Variants in TIGD4 observed in about 807,000 individuals in gnomAD.
TIGD4 encodes the protein tigger transposable element derived 4.
A neutral mutation model predicts 24.9 loss-of-function variants in TIGD4; 20 were observed. The ratio of observed to expected loss-of-function variants is 0.80; its 90% CI spans 0.56 to 1.17. The LOEUF (loss-of-function observed/expected upper bound fraction) is 1.17. Among genes scored for constraint, TIGD4 ranks in the 50% most tolerant of loss-of-function variants. The pLI is 0.00. For synonymous variants in TIGD4, 193 were observed against 211.0 expected (o/e 0.91, Z 0.74); for missense variants, 566 against 591.0 (o/e 0.96, Z 0.44).
intron 1 of TIGD4, among the ~76,000 whole-genome samples, chr4:152,778,614 G>A (rs1730309749): frequency 6.6e-6 from 1 of 152,090 alleles, no homozygotes; most frequent in Non-Finnish European, 1.5e-5. Context: ...TTTATGTTTT[G>A]GAATTTCAGT....
chr4:152,769,649 G>A lies in TIGD4; in HGVS notation c.1356C>T (p.Tyr452=). 20 of 1,613,350 alleles carry A rather than the reference G, an allele frequency of 1.2e-5. No homozygotes were observed. The highest frequency in any genetic ancestry group is 2.2e-5 in the East Asian group (1 of 44,878). ...CATCATCATCCTCTTCATCAGAAGT[G>A]TAAAATCCAGTTTCATCCGATTTAC... The part of the protein sequence containing the change: ...KESKSDETGF[Y]TSDEEDDDGS... Residue 452 remains tyrosine (Y), a synonymous_variant, in exon 2 of 2, where the codon TAC becomes TAT. Transcript: ENST00000304337.
rs1185283940 is a variant in TIGD4, at chr4:152,771,455, T to C, written c.-451A>G. Reference sequence around the variant, plus strand: ...AAGAAAAAACGTTCAAAAGTTTTCATGCAACTATTACCCATTAATTTTCAA... The same window carrying C: ...AAGAAAAAACGTTCAAAAGTTTTCACGCAACTATTACCCATTAATTTTCAA... On this transcript the variant is annotated 5_prime_UTR_variant, in exon 2 of 2. It removes an upstream start codon present in the reference 5' UTR. Coordinates refer to ENST00000304337, the MANE Select transcript of TIGD4 (RefSeq NM_145720.4). 1 of 166,972 alleles carries C rather than the reference T, an allele frequency of 6.0e-6. No homozygotes were observed. The highest frequency in any genetic ancestry group is 1.5e-5 in the Non-Finnish European group (1 of 68,388). 10.3% of individuals were successfully genotyped at this position (166,972 alleles called of 1,614,324 possible).
At position 152,771,068 on chromosome 4, in the gene TIGD4, A is replaced by G. The variant is rs886615644; in HGVS notation, c.-64T>C. 5 of 1,514,280 alleles carry G rather than the reference A, an allele frequency of 3.3e-6. No homozygotes were observed. The African/African-American group carries it at 5.6e-5, about 17-fold the overall frequency. The allele number at this position is 1,514,280 out of a possible 1,614,324, so 93.8% of individuals were successfully genotyped here. On this transcript the variant is annotated 5_prime_UTR_variant, in exon 2 of 2. Transcript: ENST00000304337. ...TCCTGGTGACTGTTTCTTTAATTAA[A>G]TTTGTTTTCCAGTATAATATAGATT...
chr4:152,770,528 CGAAG>C lies in TIGD4; in HGVS notation c.473_476del (p.Pro158ArgfsTer13), dbSNP rs773173604. 10 of 1,613,068 alleles carry C rather than the reference CGAAG, an allele frequency of 6.2e-6. No homozygotes were observed. The highest frequency in any genetic ancestry group is 1.7e-5 in the Admixed American group (1 of 59,852). On this transcript the variant is annotated frameshift_variant, in exon 2 of 2. Transcript: ENST00000304337. LOFTEE classifies it high-confidence loss of function. ...GAAGTACATTTTGGTACCAGACAGT[CGAAG>C]GGTCTACTGGTACACCTGTAGCTTC... is the stretch of plus-strand genomic sequence containing the variant.
intron 1 of TIGD4, among the ~76,000 whole-genome samples, chr4:152,776,959 A>T (rs1449752233): frequency 1.3e-5 from 2 of 152,242 alleles, no homozygotes; most frequent in African/African-American, 2.4e-5. Flanking sequence ...AAGGATGGAT[A>T]GGTACATCAC....
rs1177580729 is a variant in TIGD4 at position 152,779,583 on chromosome 4, G to A, written c.-640C>T. Reference sequence around the variant, plus strand: ...TCCACCCTCCCGGCACCAGCTCACGGTCTGTTGGGGGGGTCCTCCTAACGT... The same window carrying A: ...TCCACCCTCCCGGCACCAGCTCACGATCTGTTGGGGGGGTCCTCCTAACGT... On this transcript the variant is annotated 5_prime_UTR_variant, in exon 1 of 2. Coordinates refer to ENST00000304337, the MANE Select transcript of TIGD4 (RefSeq NM_145720.4). The A allele has an allele frequency of 6.6e-6, 1 of 152,256 alleles. No individual in the cohort carries two copies. Among genetic ancestry groups the A allele is most frequent in the East Asian group, 1.9e-4 (1 of 5,182 alleles). 9.4% of individuals were successfully genotyped at this position (152,256 alleles called of 1,614,324 possible). A position where few individuals can be genotyped will look rare whatever the true frequency, so the allele number is the denominator to read the frequency against.
chr4:152,778,013 T>G (rs1730288338), intron 1 of TIGD4, among the ~76,000 whole-genome samples: 1 of 151,916 alleles, frequency 6.6e-6, no homozygotes, highest in African/African-American at 2.4e-5. Context: ...GTACCAGAAT[T>G]CACTGAAGAG....
chr4:152,770,598 A>C lies in TIGD4; in HGVS notation c.407T>G (p.Phe136Cys). The C allele has an allele frequency of 6.2e-7, 1 of 1,608,130 alleles. No individual in the cohort carries two copies. Residue 136 changes from phenylalanine (F) to cysteine (C), a missense_variant, in exon 2 of 2, where the codon TTT becomes TGT. Physicochemically the swap from Phe to Cys is radical, Grantham distance 205 (BLOSUM62 -2). Transcript: ENST00000304337. The part of the protein sequence containing the change: ...FKCSNGWLDR[F>C]KSRYGLVFRA... Reference sequence around the variant, plus strand: ...GAATACTAAACCATACCTGGATTTAAAACGATCCAGCCAACCATTACTGCA... The same window carrying C: ...GAATACTAAACCATACCTGGATTTACAACGATCCAGCCAACCATTACTGCA...
In TIGD4 at chr4:152,770,603, A is replaced by G. The variant is rs1730152409; in HGVS notation, c.402T>C (p.Asp134=). The change falls in exon 2 of 2, where the codon GAT becomes GAC. Residue 134 remains aspartate, a synonymous_variant. Coordinates refer to ENST00000304337, the MANE Select transcript of TIGD4 (RefSeq NM_145720.4). ...NDFKCSNGWL[D]RFKSRYGLVF... ...CTAAACCATACCTGGATTTAAAACG[A>G]TCCAGCCAACCATTACTGCACTTAA... 14 of 1,606,580 alleles carry G rather than the reference A, an allele frequency of 8.7e-6. No individual in the cohort carries two copies. Among genetic ancestry groups the G allele is most frequent in the Non-Finnish European group, 1.2e-5 (14 of 1,176,864 alleles).
At position 152,769,569 on chromosome 4, in the gene TIGD4, A is replaced by AT. The variant is rs780609929; in HGVS notation, c.1435_1436insA (p.Leu479TyrfsTer15). On this transcript the variant is annotated frameshift_variant, in exon 2 of 2. Coordinates refer to ENST00000304337, the MANE Select transcript of TIGD4 (RefSeq NM_145720.4). LOFTEE classifies it high-confidence loss of function. ...TCTGAGAAATTTTTTCAGAGTATCT[A>AT]AAGCAGTTATTGCCTCAGATTTTGA... 2.2e-5 allele frequency: 35 copies of AT among 1,613,236 alleles called. No homozygotes were observed. Among genetic ancestry groups the AT allele is most frequent in the Non-Finnish European group, 3.0e-5 (35 of 1,179,672 alleles).
At position 152,769,769 on chromosome 4, in the gene TIGD4, A is replaced by G. The variant is rs1474579999; in HGVS notation, c.1236T>C (p.Pro412=). 4.3e-6 allele frequency: 7 copies of G among 1,613,560 alleles called. No individual in the cohort carries two copies. The highest frequency in any genetic ancestry group is 5.1e-6 in the Non-Finnish European group (6 of 1,179,950). Residue 412 remains proline (P), a synonymous_variant, in exon 2 of 2, where the codon CCT becomes CCC. Coordinates refer to ENST00000304337, the MANE Select transcript of TIGD4 (RefSeq NM_145720.4). ...ADALGAGVEF[P]EGLSIEEYAA... is the part of the protein sequence containing the mutation. The stretch of plus-strand genomic sequence containing the variant: ...CATATTCTTCTATAGATAAACCTTC[A>G]GGAAATTCTACTCCTGCCCCCAGAG...
intron 1 of TIGD4, among the ~76,000 whole-genome samples, chr4:152,777,273 C>T (rs1481372617): frequency 6.6e-6 from 1 of 152,130 alleles, no homozygotes; most frequent in Admixed American, 6.5e-5. Context: ...TAGAGTTCCC[C>T]ACAAGCCCAA....
At position 152,770,315 on chromosome 4, in the gene TIGD4, C is replaced by G; in HGVS notation, c.690G>C (p.Leu230Phe). 6.2e-7 allele frequency: 1 copy of G among 1,614,000 alleles called. No homozygotes were observed. The highest frequency in any genetic ancestry group is 8.5e-7 in the Non-Finnish European group (1 of 1,179,928). ...TNMDGSEKLPLLVIGKKRTPH... is the reference protein window; with the variant it reads ...TNMDGSEKLPFLVIGKKRTPH... ...GAGTTCTCTTTTTTCCAATGACAAG[C>G]AAAGGAAGTTTCTCTGAGCCATCCA... The change falls in exon 2 of 2, where the codon TTG (leucine) becomes TTC (phenylalanine). Residue 230 changes from leucine to phenylalanine, a missense_variant. Leu to Phe is a conservative substitution (Grantham distance 22). Transcript: ENST00000304337.
intron 1 of TIGD4, among the ~76,000 whole-genome samples, chr4:152,776,141 A>T (rs28695766): frequency 0.2 from 31,012 of 152,072 alleles, 3,355 homozygotes; most frequent in Admixed American, 0.27. Flanking sequence ...TACAACATAC[A>T]CTAAAAATTA....
At position 152,769,518 on chromosome 4, in the gene TIGD4, T is replaced by G. The variant is rs970886525; in HGVS notation, c.1487A>C (p.Gln496Pro). 1.3e-6 allele frequency: 2 copies of G among 1,587,960 alleles called. No individual in the cohort carries two copies. The highest frequency in any genetic ancestry group is 1.7e-6 in the Non-Finnish European group (2 of 1,169,548). The part of the protein sequence containing the change: ...LRSQDMNDGL[Q>P]NSLADLENFI... ...ATTTTCAAGGTCTGCTAAAGAATTT[T>G]GAAGTCCGTCATTCATATCTTGACT... Residue 496 changes from glutamine to proline, a missense_variant, in exon 2 of 2, where the codon CAA (glutamine) becomes CCA (proline). Transcript: ENST00000304337.
chr4:152,770,584 C>T lies in TIGD4; in HGVS notation c.421G>A (p.Gly141Ser), dbSNP rs201403286. ...ACAGGTTGAGCTCTGAATACTAAAC[C>T]ATACCTGGATTTAAAACGATCCAGC... ...GWLDRFKSRYGLVFRAQPVEA... is the reference protein window; with the variant it reads ...GWLDRFKSRYSLVFRAQPVEA... The change falls in exon 2 of 2, where the codon GGT becomes AGT. Residue 141 changes from glycine (G) to serine (S), a missense_variant. Transcript: ENST00000304337. The T allele has an allele frequency of 1.4e-5, 22 of 1,609,830 alleles. No individual in the cohort carries two copies. In the East Asian group the frequency reaches 3.3e-4, roughly 24 times the overall value.
chr4:152,772,309 C>T (rs1395936458), intron 1 of TIGD4, among the ~76,000 whole-genome samples: 2 of 151,746 alleles, frequency 1.3e-5, no homozygotes, highest in Non-Finnish European at 2.9e-5. Flanking sequence ...ATAGTGACCA[C>T]AAGTCTTAAC....
intron 1 of TIGD4, among the ~76,000 whole-genome samples, chr4:152,777,957 T>C (rs1351194419): frequency 2.0e-5 from 3 of 152,044 alleles, no homozygotes; most frequent in Non-Finnish European, 4.4e-5. Flanking sequence ...TGTGTATATA[T>C]AGCCTTGCAC....
chr4:152,778,517 A>C (rs966364472), intron 1 of TIGD4, among the ~76,000 whole-genome samples: 3 of 152,274 alleles, frequency 2.0e-5, no homozygotes, highest in African/African-American at 4.8e-5. Context: ...ACAGTAAGCT[A>C]TAACAATTGA....
Sources: allele counts gnomAD v4.1 joint callset (sites outside exome capture counted in the v4.1 genomes callset), GRCh38; gene constraint gnomAD v4.1.1; transcripts MANE v1.5; gene names NCBI Gene and HGNC (gene_info 2026-07-23, HGNC 2026-07-21).